CES5A: variants seen among roughly 807,000 people sequenced by gnomAD.
The protein encoded by CES5A is carboxylesterase 5A.
CES5A carries 67 observed loss-of-function variants against 62.9 expected under a neutral mutation model. That is an observed-to-expected ratio of 1.07 (90% CI 0.88 to 1.31). The LOEUF (loss-of-function observed/expected upper bound fraction) is 1.31. CES5A is among the 50% of genes most tolerant of loss of function. The probability of loss-of-function intolerance (pLI) is 0.00; values close to 1 mark genes in which losing one functional copy is unlikely to be tolerated. For missense variants in CES5A, 748 were observed against 708.5 expected, an observed-to-expected ratio of 1.06 and a Z score of -0.63; for synonymous variants, 296 against 280.8, an observed-to-expected ratio of 1.05 and a Z score of -0.54.
rs534853602 is a variant in CES5A at position 55,869,661 on chromosome 16, G to A, written c.501C>T (p.Asp167=). The part of the protein sequence containing the change: ...FDGSALAAYE[D]VLVVVVQYRL... ...GGTACTGGACGACCACAACCAGCAC[G>A]TCCTCATAGGCAGCCAGGGCGGACC... is the stretch of plus-strand genomic sequence containing the variant. Residue 167 remains aspartate (D), a synonymous_variant, in exon 4 of 13, where the codon GAC becomes GAT. Coordinates refer to ENST00000290567, the MANE Select transcript of CES5A (RefSeq NM_001143685.2). 1.4e-5 allele frequency: 23 copies of A among 1,613,610 alleles called. No homozygotes were observed. The highest frequency in any genetic ancestry group is 9.3e-5 in the African/African-American group (7 of 75,012).
chr16:55,858,252 A>G (rs143209435), intron 8 of CES5A, among the ~76,000 whole-genome samples: 197 of 152,322 alleles, frequency 1.3e-3, no homozygotes, highest in African/African-American at 4.4e-3. Context: ...ATGCATAAAA[A>G]TTATACACCC....
chr16:55,913,234 G>A (rs2034113096), intron 1 of CES5A, among the ~76,000 whole-genome samples: 1 of 152,112 alleles, frequency 6.6e-6, no homozygotes, highest in East Asian at 1.9e-4. Flanking sequence ...TGTCTGAAGT[G>A]AGTTTTTCTT....
chr16:55,904,599 G>A (rs140866042), intron 1 of CES5A, among the ~76,000 whole-genome samples: 23 of 152,220 alleles, frequency 1.5e-4, no homozygotes, highest in African/African-American at 2.9e-4. Context: ...TGTTATACTC[G>A]TTGTCTCTCT....
At chr16:55,851,760 A>G (rs1286349199) in intron 10 of CES5A, among the ~76,000 whole-genome samples, 1 of 152,236 alleles carries the variant, frequency 6.6e-6, no homozygotes, top group Non-Finnish European at 1.5e-5. Context: ...TGTTCCTTGC[A>G]CAATAGCTGA....
At chr16:55,930,077 G>A (rs980631790), upstream of CES5A, among the ~76,000 whole-genome samples, 3 of 151,936 alleles carry the variant, frequency 2.0e-5, no homozygotes, top group Non-Finnish European at 4.4e-5. Context: ...AATCACTAAT[G>A]GTCAGATGGA....
intron 2 of CES5A, among the ~76,000 whole-genome samples, chr16:55,935,903 A>T (rs188465283): frequency 6.6e-6 from 1 of 152,166 alleles, no homozygotes; most frequent in Admixed American, 6.6e-5. Context: ...AAGTTATAAG[A>T]AATAGAAGTT....
At chr16:55,946,624 G>C (rs532387977) in intron 2 of CES5A, among the ~76,000 whole-genome samples, 4 of 152,358 alleles carry the variant, frequency 2.6e-5, no homozygotes, top group African/African-American at 9.6e-5. Context: ...TTCTGGAAGA[G>C]TGTGTACCTT....
intron 2 of CES5A, among the ~76,000 whole-genome samples, chr16:55,930,937 T>C (rs1336687906): frequency 6.6e-6 from 1 of 152,132 alleles, no homozygotes; most frequent in African/African-American, 2.4e-5. Flanking sequence ...CAAAAAAAAT[T>C]ACATCCTACT....
At chr16:55,856,560 G>T in intron 8 of CES5A, 115 bp from the exon 9 acceptor site, 1 of 833,292 alleles carries the variant, frequency 1.2e-6, no homozygotes. Flanking sequence ...GAGCCCTCAA[G>T]CCCAAGCAGC....
At chr16:55,923,147 C>A (rs1340659412) in intron 1 of CES5A, among the ~76,000 whole-genome samples, 4 of 149,746 alleles carry the variant, frequency 2.7e-5, no homozygotes, top group Non-Finnish European at 4.5e-5. Flanking sequence ...AGAAAAAAAA[C>A]AAAATTAATA....
At chr16:55,896,604 C>T (rs940352836) in intron 1 of CES5A, among the ~76,000 whole-genome samples, 3 of 152,204 alleles carry the variant, frequency 2.0e-5, no homozygotes, top group South Asian at 2.1e-4. Flanking sequence ...GATGGGGACA[C>T]TGAGTGTTAG....
intron 2 of CES5A, among the ~76,000 whole-genome samples, chr16:55,936,294 C>A (rs1463707644): frequency 6.6e-6 from 1 of 152,186 alleles, no homozygotes; most frequent in Non-Finnish European, 1.5e-5. Flanking sequence ...GTTTGCCTTG[C>A]ACAATGCCAT....
intron 3 of CES5A, among the ~76,000 whole-genome samples, chr16:55,870,547 A>G (rs1201767756): frequency 1.3e-5 from 2 of 152,108 alleles, no homozygotes; most frequent in African/African-American, 4.8e-5. Flanking sequence ...CTAAACAAAA[A>G]ATTAGCCAGG....
chr16:55,881,448 A>G (rs1200348245), intron 1 of CES5A, among the ~76,000 whole-genome samples: 2 of 152,162 alleles, frequency 1.3e-5, no homozygotes, highest in African/African-American at 4.8e-5. Context: ...TGGGTAGGAG[A>G]GAATTTATTA....
intron 1 of CES5A, among the ~76,000 whole-genome samples, chr16:55,912,757 G>T (rs8047594): frequency 0.41 from 61,822 of 152,022 alleles, 13,590 homozygotes; most frequent in Non-Finnish European, 0.5. Flanking sequence ...GGAAGAAAAA[G>T]CACAGACTCA....
intron 11 of CES5A, among the ~76,000 whole-genome samples, chr16:55,849,229 T>A (rs2033078631): frequency 6.6e-6 from 1 of 152,122 alleles, no homozygotes; most frequent in Non-Finnish European, 1.5e-5. Context: ...TGAGCTGGAA[T>A]TATGAAAAAC....
rs143261763 is a variant in CES5A at position 55,906,191 on chromosome 16, G to A, written c.-256+19132C>T. On this transcript the variant is annotated intron_variant, in intron 1 of 12. Transcript: ENST00000518005. ...AGGTGCACACATTCCCTGGTAACCA[G>A]AAAGACACTTAGGCTTAAACAAGAC... Among the ~76,000 whole-genome samples, 327 of 152,358 alleles carry A rather than the reference G, an allele frequency of 2.1e-3. 2 individuals carry two copies. Among genetic ancestry groups the A allele is most frequent in the African/African-American group, 7.5e-3 (311 of 41,584 alleles).
intron 9 of CES5A, 149 bp from the exon 10 acceptor site, chr16:55,853,177 T>C: frequency 1.3e-6 from 1 of 769,750 alleles, no homozygotes; most frequent in Non-Finnish European, 2.1e-6. Flanking sequence ...GTATCAAAAC[T>C]AGCCCTGTTT....
At chr16:55,857,655 T>G (rs2033269627) in intron 8 of CES5A, among the ~76,000 whole-genome samples, 1 of 152,136 alleles carries the variant, frequency 6.6e-6, no homozygotes, top group South Asian at 2.1e-4. Flanking sequence ...TAGCAAGGGG[T>G]TTAACTGCAA....
Sources: allele counts gnomAD v4.1 joint callset (sites outside exome capture counted in the v4.1 genomes callset), GRCh38; gene constraint gnomAD v4.1.1; transcripts MANE v1.5; gene names NCBI Gene and HGNC (gene_info 2026-07-23, HGNC 2026-07-21).